The following HMGCLL1 variants were observed in gnomAD, a reference collection of about 807,000 sequenced individuals.
HMGCLL1 encodes 3-hydroxy-3-methylglutaryl-CoA lyase like 1, also known as 3-hydroxymethyl-3-methylglutaryl-CoA lyase, cytoplasmic.
HMGCLL1 carries 36 observed loss-of-function variants against 39.1 expected under a neutral mutation model. The observed-to-expected ratio is 0.92, with a 90% CI of 0.71 to 1.22. The LOEUF is 1.22. Among genes scored for constraint, HMGCLL1 ranks in the 50% most tolerant of loss-of-function variants. The probability of loss-of-function intolerance (pLI) is 0.00; values close to 1 mark genes in which losing one functional copy is unlikely to be tolerated. For synonymous variants in HMGCLL1, 149 were observed against 144.0 expected (o/e 1.03, Z -0.25); for missense variants, 451 against 416.5 (o/e 1.08, Z -0.72).
chr6:55,647,467 T>C, the HMGCLL1 span, among the ~76,000 whole-genome samples: 1 of 152,112 alleles, frequency 6.6e-6, no homozygotes, highest in East Asian at 1.9e-4. Flanking sequence ...TACAGTCTTC[T>C]CTTCCTTCTT....
chr6:55,599,285 A>G, the HMGCLL1 span, among the ~76,000 whole-genome samples: 1 of 152,158 alleles, frequency 6.6e-6, no homozygotes, highest in African/African-American at 2.4e-5. Context: ...AAAGAAAAGA[A>G]AAAGAACTCT....
chr6:55,593,879 A>T, the HMGCLL1 span, among the ~76,000 whole-genome samples: 1 of 152,146 alleles, frequency 6.6e-6, no homozygotes. Context: ...AACCACGGAG[A>T]GGTAAATTAC....
chr6:55,678,137 GT>G, the HMGCLL1 span, among the ~76,000 whole-genome samples: 3 of 152,194 alleles, frequency 2.0e-5, no homozygotes, highest in Non-Finnish European at 4.4e-5. Flanking sequence ...AGGTCAGGGT[GT>G]TGGCTCTTAT....
chr6:55,627,665 C>T, the HMGCLL1 span, among the ~76,000 whole-genome samples: 6 of 144,126 alleles, frequency 4.2e-5, no homozygotes, highest in Non-Finnish European at 9.3e-5. Flanking sequence ...AATCAGCCTC[C>T]AGGGAATATA....
chr6:55,557,010 A>C (rs1229170191), intron 1 of HMGCLL1, among the ~76,000 whole-genome samples: 1 of 152,176 alleles, frequency 6.6e-6, no homozygotes, highest in African/African-American at 2.4e-5. Flanking sequence ...TTCTCAGTTA[A>C]ACACTTTCCT....
At chr6:55,579,230 T>C (rs1771925972), upstream of HMGCLL1, 3 of 602,280 alleles carry the variant, frequency 5.0e-6, no homozygotes, top group East Asian at 2.8e-5. Context: ...GAGTGGGGCG[T>C]GGCAGGTGGC....
chr6:55,538,653 G>A (rs1053327618), intron 3 of HMGCLL1, among the ~76,000 whole-genome samples: 2 of 152,126 alleles, frequency 1.3e-5, no homozygotes, highest in African/African-American at 4.8e-5. Context: ...AGAATTGAAA[G>A]TAATATGGTA....
intron 6 of HMGCLL1, 146 bp from the exon 7 acceptor site, chr6:55,495,753 T>G: frequency 2.0e-6 from 1 of 510,276 alleles, no homozygotes; most frequent in East Asian, 3.2e-5. Context: ...TTTCTGGTCC[T>G]TTTTCTTTGC....
At chr6:55,597,780 T>C in the HMGCLL1 span, among the ~76,000 whole-genome samples, 1 of 152,186 alleles carries the variant, frequency 6.6e-6, no homozygotes, top group Non-Finnish European at 1.5e-5. Context: ...GGAAATATTA[T>C]TATGGCCAGC....
At chr6:55,584,586 C>T in the HMGCLL1 span, among the ~76,000 whole-genome samples, 20 of 152,006 alleles carry the variant, frequency 1.3e-4, no homozygotes, top group South Asian at 2.1e-4. Flanking sequence ...GATCAATCAA[C>T]GCCAAACTAG....
At chr6:55,595,771 T>C in the HMGCLL1 span, among the ~76,000 whole-genome samples, 1 of 152,292 alleles carries the variant, frequency 6.6e-6, no homozygotes, top group East Asian at 1.9e-4. Flanking sequence ...AATACTCTGT[T>C]AATAAAAATT....
At chr6:55,548,347 A>G (rs1330281519) in intron 1 of HMGCLL1, among the ~76,000 whole-genome samples, 1 of 152,068 alleles carries the variant, frequency 6.6e-6, no homozygotes, top group Non-Finnish European at 1.5e-5. Context: ...ATGGAAAATC[A>G]GTACAGAGTA....
At chr6:55,584,108 G>A (rs549555127), upstream of HMGCLL1, among the ~76,000 whole-genome samples, 3 of 152,152 alleles carry the variant, frequency 2.0e-5, no homozygotes, top group South Asian at 6.3e-4. Flanking sequence ...GTGCCTTCTT[G>A]TGAGCCTCTT....
chr6:55,664,233 T>A, the HMGCLL1 span, among the ~76,000 whole-genome samples: 2 of 151,868 alleles, frequency 1.3e-5, no homozygotes, highest in Admixed American at 1.3e-4. Flanking sequence ...CTGGTTACTA[T>A]GCCAGCTTGT....
At chr6:55,489,858 A>G (rs1297534693) in intron 7 of HMGCLL1, among the ~76,000 whole-genome samples, 1 of 152,176 alleles carries the variant, frequency 6.6e-6, no homozygotes, top group Non-Finnish European at 1.5e-5. Context: ...GGGTATGAGC[A>G]TATACTTTGA....
chr6:55,678,092 G>T, the HMGCLL1 span, among the ~76,000 whole-genome samples: 5 of 152,116 alleles, frequency 3.3e-5, no homozygotes, highest in African/African-American at 1.2e-4. Flanking sequence ...TAATAGTCAG[G>T]AAGCTACCAT....
intron 1 of HMGCLL1, among the ~76,000 whole-genome samples, chr6:55,546,291 G>A (rs536307574): frequency 1.3e-5 from 2 of 152,134 alleles, no homozygotes; most frequent in Admixed American, 1.3e-4. Flanking sequence ...TTCCGCAGAT[G>A]GAATTAAGTT....
the HMGCLL1 span, among the ~76,000 whole-genome samples, chr6:55,650,457 C>G: frequency 6.6e-6 from 1 of 151,750 alleles, no homozygotes; most frequent in South Asian, 2.1e-4. Context: ...TTACTTCCTC[C>G]AAAATATATG....
chr6:55,588,875 A>G, the HMGCLL1 span, among the ~76,000 whole-genome samples: 1 of 152,218 alleles, frequency 6.6e-6, no homozygotes, highest in African/African-American at 2.4e-5. Flanking sequence ...GAATCTCTGA[A>G]TAGACCAATA....
Sources: gnomAD v4.1 joint callset for allele counts (sites outside exome capture counted in the v4.1 genomes callset) on GRCh38, gnomAD v4.1.1 for gene constraint, MANE v1.5 for transcripts, NCBI Gene and HGNC (gene_info 2026-07-23, HGNC 2026-07-21) for gene names.